The following CACNB2 variants were observed in gnomAD, a reference collection of about 807,000 sequenced individuals.
CACNB2 encodes calcium voltage-gated channel auxiliary subunit beta 2.
Under a neutral mutation model 73.3 loss-of-function variants are expected in CACNB2, and 42 were observed. The observed-to-expected ratio is 0.57, with a 90% confidence interval of 0.45 to 0.74. The LOEUF (loss-of-function observed/expected upper bound fraction) is 0.74, where lower values mean the gene tolerates loss of function less well. CACNB2 is among the 30% of genes least tolerant of loss of function. The pLI, the probability that CACNB2 is intolerant of heterozygous loss-of-function variation, is 0.00. For missense variants in CACNB2, 940 were observed against 853.0 expected, an observed-to-expected ratio of 1.10 and a Z score of -1.27; for synonymous variants, 348 against 310.3, an observed-to-expected ratio of 1.12 and a Z score of -1.28.
In CACNB2 at chr10:18,315,526, A is replaced by C. The variant is rs55841618; in HGVS notation, c.214-86398A>C. Among the ~76,000 whole-genome samples, 284 of 121,836 alleles carry C rather than the reference A, an allele frequency of 2.3e-3. 1 individual carries two copies. The highest frequency in any genetic ancestry group is 3.1e-3 in the Non-Finnish European group (174 of 55,814). 79.9% of individuals were successfully genotyped at this position (121,836 alleles called of 152,430 possible). Reference sequence around the variant, plus strand: ...AAAAAAAAAAAAAAAAAAAAAAAAAAAACTTTTTTTTTTTTTAATTAGCCA... The same window carrying C: ...AAAAAAAAAAAAAAAAAAAAAAAAACAACTTTTTTTTTTTTTAATTAGCCA... On this transcript the variant is annotated intron_variant, in intron 2 of 13. Coordinates refer to ENST00000324631, the MANE Select transcript of CACNB2 (RefSeq NM_201596.3).
chr10:18,342,141 A>G (rs1218600501), intron 2 of CACNB2, among the ~76,000 whole-genome samples: 1 of 152,208 alleles, frequency 6.6e-6, no homozygotes, highest in Non-Finnish European at 1.5e-5. Flanking sequence ...CTTGCTTTTT[A>G]AGAATATTAT....
At chr10:18,177,699 C>G (rs763995762) in intron 2 of CACNB2, among the ~76,000 whole-genome samples, 7 of 152,154 alleles carry the variant, frequency 4.6e-5, no homozygotes, top group Non-Finnish European at 1.0e-4. Flanking sequence ...CTGATTAGCA[C>G]TCAGTGAATC....
chr10:18,284,394 A>G (rs2038696382), intron 2 of CACNB2, among the ~76,000 whole-genome samples: 1 of 152,222 alleles, frequency 6.6e-6, no homozygotes, highest in Non-Finnish European at 1.5e-5. Context: ...GGATGGGGAC[A>G]CAGCTAAATC....
intron 3 of CACNB2, among the ~76,000 whole-genome samples, chr10:18,410,067 T>C (rs55988124): frequency 0.065 from 9,832 of 152,128 alleles, 836 homozygotes; most frequent in African/African-American, 0.18. Context: ...ACTTCATCCT[T>C]CAGAGGTGCC....
At chr10:18,395,154 TACTA>T (rs1256615954) in intron 2 of CACNB2, among the ~76,000 whole-genome samples, 2 of 152,160 alleles carry the variant, frequency 1.3e-5, no homozygotes, top group Non-Finnish European at 2.9e-5. Context: ...AAATAAATCT[TACTA>T]AAAATTAATG....
intron 6 of CACNB2, among the ~76,000 whole-genome samples, chr10:18,512,846 A>G (rs1239115793): frequency 1.3e-5 from 2 of 152,194 alleles, no homozygotes; most frequent in African/African-American, 2.4e-5. Context: ...GGTCATGTGA[A>G]TATGATGGAT....
At chr10:18,404,147 AT>A (rs2044159390) in intron 3 of CACNB2, among the ~76,000 whole-genome samples, 1 of 152,042 alleles carries the variant, frequency 6.6e-6, no homozygotes, top group African/African-American at 2.4e-5. Context: ...GTTTATTTAT[AT>A]TTTTTCTTTA....
Position 18,534,128 on chromosome 10 carries a change from G to A in CACNB2, c.1107G>A (p.Gln369=). Residue 369 remains glutamine (Q), a synonymous_variant, in exon 11 of 14, where the codon CAG becomes CAA. Transcript: ENST00000324631. ...ERIFELARTL[Q]LVVLDADTIN... is the part of the protein sequence containing the mutation. ...TTTTTGAACTTGCAAGAACATTGCA[G>A]TTGGTGGTCCTTGACGCGGATACAA... is the stretch of plus-strand genomic sequence containing the variant. 1.9e-6 allele frequency: 3 copies of A among 1,613,928 alleles called. No homozygotes were observed. The highest frequency in any genetic ancestry group is 2.5e-6 in the Non-Finnish European group (3 of 1,179,806).
intron 2 of CACNB2, among the ~76,000 whole-genome samples, chr10:18,156,208 G>A (rs1364806596): frequency 2.0e-5 from 3 of 152,216 alleles, no homozygotes. Flanking sequence ...TCTTTAAGAA[G>A]AATCACTGGT....
intron 3 of CACNB2, among the ~76,000 whole-genome samples, chr10:18,443,006 A>ATG (rs1564554208): frequency 0.036 from 1,021 of 28,178 alleles, 159 homozygotes; most frequent in Non-Finnish European, 0.049. Flanking sequence ...ATGTGTATAT[A>ATG]TATATATGTA....
intron 2 of CACNB2, among the ~76,000 whole-genome samples, chr10:18,343,348 T>C (rs910023852): frequency 6.6e-6 from 1 of 152,154 alleles, no homozygotes; most frequent in Non-Finnish European, 1.5e-5. Flanking sequence ...ATTTTTGTTT[T>C]TTCTGACTGT....
intron 3 of CACNB2, among the ~76,000 whole-genome samples, chr10:18,478,262 C>A (rs1333457458): frequency 6.6e-6 from 1 of 152,154 alleles, no homozygotes; most frequent in Non-Finnish European, 1.5e-5. Context: ...ACAAGTGCTT[C>A]CTCTTCTATT....
rs761863329 is a variant in CACNB2 at position 18,541,848 on chromosome 10, T to G, written c.*2124T>G. 2 of 148,784 alleles carry G rather than the reference T, an allele frequency of 1.3e-5. No homozygotes were observed. Among genetic ancestry groups the G allele is most frequent in the Non-Finnish European group, 3.0e-5 (2 of 67,352 alleles). The allele number at this position is 148,784 out of a possible 1,614,324, so 9.2% of individuals were successfully genotyped here. A position where few individuals can be genotyped will look rare whatever the true frequency, so the allele number is the denominator to read the frequency against. On this transcript the variant is annotated 3_prime_UTR_variant, in exon 14 of 14. Coordinates refer to ENST00000324631, the MANE Select transcript of CACNB2 (RefSeq NM_201596.3). ...CTGTACTCCAGCCTGGGTGACAGAGTGAGACTCCATCTCCAAAAAAGAAAA... is the reference window on the plus strand; with the variant it reads ...CTGTACTCCAGCCTGGGTGACAGAGGGAGACTCCATCTCCAAAAAAGAAAA...
chr10:18,229,412 C>T (rs549649535), intron 2 of CACNB2, among the ~76,000 whole-genome samples: 4 of 152,080 alleles, frequency 2.6e-5, no homozygotes, highest in Admixed American at 6.5e-5. Context: ...CAGATATGTA[C>T]CCAGCCAAAT....
chr10:18,201,038 A>C (rs886128696), intron 2 of CACNB2, among the ~76,000 whole-genome samples: 3 of 152,198 alleles, frequency 2.0e-5, no homozygotes, highest in African/African-American at 7.2e-5. Context: ...TTTATGGCCA[A>C]ATTAATTCTA....
chr10:18,378,101 G>A (rs2042874756), intron 2 of CACNB2, among the ~76,000 whole-genome samples: 1 of 152,066 alleles, frequency 6.6e-6, no homozygotes, highest in Admixed American at 6.6e-5. Context: ...TGGGAGGTGG[G>A]GTGTGGGCCT....
At chr10:18,263,276 T>G (rs1331833247) in intron 2 of CACNB2, among the ~76,000 whole-genome samples, 1 of 152,196 alleles carries the variant, frequency 6.6e-6, no homozygotes, top group Non-Finnish European at 1.5e-5. Flanking sequence ...ACTTTAGATT[T>G]GACCGCAAAG....
chr10:18,261,031 A>G, intron 2 of CACNB2: 2 of 1,357,818 alleles, frequency 1.5e-6, no homozygotes, highest in Non-Finnish European at 1.9e-6. Flanking sequence ...CTTGAAGAAG[A>G]TCTCAAATTA....
chr10:18,183,978 CCTAT>C (rs1292241190), intron 2 of CACNB2, among the ~76,000 whole-genome samples: 1 of 152,178 alleles, frequency 6.6e-6, no homozygotes, highest in Non-Finnish European at 1.5e-5. Context: ...AATTATAGTA[CCTAT>C]CTAATTGAGT....
Sources: gnomAD v4.1 joint callset for allele counts (sites outside exome capture counted in the v4.1 genomes callset) on GRCh38, gnomAD v4.1.1 for gene constraint, MANE v1.5 for transcripts, NCBI Gene and HGNC (gene_info 2026-07-23, HGNC 2026-07-21) for gene names.